The following CEACAM16 variants were observed in gnomAD, a reference collection of about 807,000 sequenced individuals.
CEACAM16 encodes cell adhesion molecule CEACAM16.
CEACAM16 carries 30 observed loss-of-function variants against 39.4 expected under a neutral mutation model. The ratio of observed to expected loss-of-function variants is 0.76; its 90% confidence interval spans 0.57 to 1.03. The LOEUF (loss-of-function observed/expected upper bound fraction) is 1.03. CEACAM16 is among the 50% of genes least tolerant of loss of function. The probability of loss-of-function intolerance (pLI) is 0.00; values close to 1 mark genes in which losing one functional copy is unlikely to be tolerated. For missense variants in CEACAM16, 521 were observed against 585.3 expected, an observed-to-expected ratio of 0.89 and a Z score of 1.13; for synonymous variants, 262 against 264.9, an observed-to-expected ratio of 0.99 and a Z score of 0.11.
At chr19:44,706,794 G>T (rs770781796) in intron 5 of CEACAM16, among the ~76,000 whole-genome samples, 11 of 152,216 alleles carry the variant, frequency 7.2e-5, no homozygotes, top group Non-Finnish European at 1.0e-4. Context: ...TATGTGCAGG[G>T]AGTGGATACA....
chr19:44,699,502 A>C (rs533857270), intron 1 of CEACAM16: 7 of 445,488 alleles, frequency 1.6e-5, no homozygotes, highest in Non-Finnish European at 3.2e-5. Context: ...TCAGCCTCCC[A>C]AGTAGCTGGG....
intron 1 of CEACAM16, chr19:44,699,586 A>T (rs893208069): frequency 2.7e-5 from 10 of 368,386 alleles, no homozygotes; most frequent in African/African-American, 2.1e-4. Context: ...CATGCTGGCC[A>T]GGCTGGTCTT....
In CEACAM16 at chr19:44,701,558, C is replaced by T. The variant is rs981601342; in HGVS notation, c.37+65C>T. The T allele has an allele frequency of 2.7e-6, 4 of 1,473,676 alleles. No individual in the cohort carries two copies. Among genetic ancestry groups the T allele is most frequent in the Non-Finnish European group, 3.7e-6 (4 of 1,080,764 alleles). The allele number at this position is 1,473,676 out of a possible 1,614,324, so 91.3% of individuals were successfully genotyped here. A position where few individuals can be genotyped will look rare whatever the true frequency, so the allele number is the denominator to read the frequency against. On this transcript the variant is annotated intron_variant, in intron 2 of 6. Transcript: ENST00000587331. This position sits in a 1 kb window ranked among gnomAD's most constrained non-coding sequence, Gnocchi z 4.0. ...AGGACCCCAGGGAGGGGAGGGGACCCCCAGTCTGAGAGAGGGAAGGTGTGA... is the reference window on the plus strand; with the variant it reads ...AGGACCCCAGGGAGGGGAGGGGACCTCCAGTCTGAGAGAGGGAAGGTGTGA...
intron 1 of CEACAM16, among the ~76,000 whole-genome samples, chr19:44,699,655 GCATGAGCCACTGCGTCCGGC>G (rs1407528514): frequency 4.6e-5 from 7 of 152,158 alleles, no homozygotes; most frequent in East Asian, 1.9e-4. Flanking sequence ...AGGACTACAG[GCATGAGCCACTGCGTCCGGC>G]CATGAGCCAC....
At chr19:44,709,684 C>G (rs111738130) in intron 6 of CEACAM16, among the ~76,000 whole-genome samples, 5 of 147,718 alleles carry the variant, frequency 3.4e-5, no homozygotes, top group Non-Finnish European at 7.5e-5. Context: ...GAGTCAGGGA[C>G]CATGTCTCCT....
chr19:44,701,011 G>C lies in CEACAM16; in HGVS notation c.-96-350G>C, dbSNP rs942552416. ...ACAACACCTGTAGGTCCCCTGCACT[G>C]GGTGGGGCTGGGAAAGGTGCAGTCA... is the stretch of plus-strand genomic sequence containing the variant. On this transcript the variant is annotated intron_variant, in intron 1 of 6. Transcript: ENST00000587331. This position sits in a 1 kb window ranked among gnomAD's most constrained non-coding sequence, Gnocchi z 4.0. 1.3e-5 allele frequency among the ~76,000 whole-genome samples: 2 copies of C among 152,234 alleles called. No homozygotes were observed. The highest frequency in any genetic ancestry group is 6.5e-5 in the Admixed American group (1 of 15,286).
At chr19:44,709,340 G>T (rs1333617560) in intron 6 of CEACAM16, among the ~76,000 whole-genome samples, 2 of 151,554 alleles carry the variant, frequency 1.3e-5, no homozygotes, top group African/African-American at 4.9e-5. Context: ...AGCTCCCAGA[G>T]TCAGGGACCA....
At chr19:44,706,210 C>T (rs1974445472) in intron 5 of CEACAM16, among the ~76,000 whole-genome samples, 2 of 150,262 alleles carry the variant, frequency 1.3e-5, no homozygotes, top group Admixed American at 6.7e-5. Context: ...ACCACACAGA[C>T]AGCTGAAATT....
Position 44,704,130 on chromosome 19 carries a change from C to A in CEACAM16, c.495C>A (p.Phe165Leu). Residue 165 changes from phenylalanine (F) to leucine (L), a missense_variant, in exon 4 of 7, where the codon TTC becomes TTA. Physicochemically the swap from Phe to Leu is conservative, Grantham distance 22. Transcript: ENST00000587331. ...GCCCCACCGCCGAGGTCCGCTGGTT[C>A]TTCAACGGTGGGGCCCTGCCCGTCG... ...SPSPTAEVRW[F>L]FNGGALPVAL... The A allele has an allele frequency of 6.3e-7, 1 of 1,597,674 alleles. No individual in the cohort carries two copies. The highest frequency in any genetic ancestry group is 2.3e-5 in the East Asian group (1 of 43,632).
chr19:44,710,703 C>T lies in CEACAM16; in HGVS notation c.*197C>T, dbSNP rs1486504835. ...GTTGGGGAGCCACCGAGGCCATAAA[C>T]GTCCTGGTTAATGCACACGTGTGTC... On this transcript the variant is annotated 3_prime_UTR_variant, in exon 7 of 7. Coordinates refer to ENST00000587331, the MANE Select transcript of CEACAM16 (RefSeq NM_001039213.4). 1.1e-5 allele frequency: 7 copies of T among 638,194 alleles called. No homozygotes were observed. Among genetic ancestry groups the T allele is most frequent in the Admixed American group, 2.7e-5 (1 of 37,196 alleles). 39.5% of individuals were successfully genotyped at this position (638,194 alleles called of 1,614,324 possible). A position where few individuals can be genotyped will look rare whatever the true frequency, so the allele number is the denominator to read the frequency against.
intron 5 of CEACAM16, among the ~76,000 whole-genome samples, chr19:44,706,949 C>G (rs1462933565): frequency 2.6e-5 from 4 of 152,018 alleles, no homozygotes; most frequent in Admixed American, 2.0e-4. Context: ...GAGAGATGAT[C>G]CTGGGACAGG....
intron 1 of CEACAM16, among the ~76,000 whole-genome samples, chr19:44,699,816 T>C (rs944202332): frequency 6.6e-6 from 1 of 152,136 alleles, no homozygotes; most frequent in Non-Finnish European, 1.5e-5. Flanking sequence ...GTAGGGTCCA[T>C]ATCATCTCTA....
Position 44,708,118 on chromosome 19 carries a change from C to A in CEACAM16, c.1198C>A (p.Arg400Ser), listed in dbSNP as rs547232161. The change falls in exon 6 of 7, where the codon CGC becomes AGC. Residue 400 changes from arginine (R) to serine (S), a missense_variant. Physicochemically the swap from Arg to Ser is moderately radical, Grantham distance 110 (BLOSUM62 -1). Transcript: ENST00000587331. The part of the protein sequence containing the change: ...VQKLNLTDTG[R>S]YTLKTVTVQG... ...GAAGCTGAACCTCACAGACACTGGC[C>A]GCTACACACTCAAGACTGTCACAGT... 1 of 1,609,536 alleles carries A rather than the reference C, an allele frequency of 6.2e-7. No homozygotes were observed. Among genetic ancestry groups the A allele is most frequent in the Non-Finnish European group, 8.5e-7 (1 of 1,178,070 alleles).
At chr19:44,710,373 G>A in intron 6 of CEACAM16, 123 bp from the exon 7 acceptor site, 1 of 1,007,770 alleles carries the variant, frequency 9.9e-7, no homozygotes, top group Non-Finnish European at 1.5e-6. Flanking sequence ...CTGAGCGTGG[G>A]GTGGATTGGG....
rs1974379792 is a variant in CEACAM16, at chr19:44,703,329, C to A, written c.38-20C>A. Reference sequence around the variant, plus strand: ...TGATCAAACCTGCCTCATCCAACCCCTCTGACTCCTCTTCCTCAGCCACAT... The same window carrying A: ...TGATCAAACCTGCCTCATCCAACCCATCTGACTCCTCTTCCTCAGCCACAT... On this transcript the variant is annotated intron_variant, in intron 2 of 6. Coordinates refer to ENST00000587331, the MANE Select transcript of CEACAM16 (RefSeq NM_001039213.4). The A allele has an allele frequency of 8.8e-6, 14 of 1,599,464 alleles. No individual in the cohort carries two copies. Among genetic ancestry groups the A allele is most frequent in the Non-Finnish European group, 1.0e-5 (12 of 1,170,452 alleles).
chr19:44,703,950 G>T, intron 3 of CEACAM16, 68 bp from the exon 4 acceptor site: 1 of 1,476,856 alleles, frequency 6.8e-7, no homozygotes, highest in Middle Eastern at 2.5e-4. Context: ...GCCCCTTGTT[G>T]GGGGAAGGGA....
intron 2 of CEACAM16, among the ~76,000 whole-genome samples, chr19:44,702,565 A>C (rs769641654): frequency 6.6e-6 from 1 of 152,238 alleles, no homozygotes; most frequent in African/African-American, 2.4e-5. Flanking sequence ...CACGTCATTC[A>C]AACCCAAGCA....
At chr19:44,710,434 G>A (rs1040319650) in intron 6 of CEACAM16, 62 bp from the exon 7 acceptor site, 3 of 1,581,570 alleles carry the variant, frequency 1.9e-6, no homozygotes, top group African/African-American at 1.3e-5. Context: ...GGGGGCACTG[G>A]GGACCTGGTC....
Position 44,708,083 on chromosome 19 carries a change from T to C in CEACAM16, c.1163T>C (p.Leu388Pro), listed in dbSNP as rs1311766113. Residue 388 changes from leucine to proline, a missense_variant, in exon 6 of 7, where the codon CTG becomes CCG. Coordinates refer to ENST00000587331, the MANE Select transcript of CEACAM16 (RefSeq NM_001039213.4). The stretch of plus-strand genomic sequence containing the variant: ...GAGGTGGGCTTCCCCAACTGCTCGC[T>C]GTTGGTGCAGAAGCTGAACCTCACA... ...GREVGFPNCS[L>P]LVQKLNLTDT... 4.3e-6 allele frequency: 7 copies of C among 1,612,224 alleles called. No individual in the cohort carries two copies. The highest frequency in any genetic ancestry group is 5.1e-6 in the Non-Finnish European group (6 of 1,179,400).
Sources: gnomAD v4.1 joint callset for allele counts (sites outside exome capture counted in the v4.1 genomes callset) on GRCh38, gnomAD v4.1.1 for gene constraint, Gnocchi (gnomAD v3.1) non-coding constraint, MANE v1.5 for transcripts, NCBI Gene and HGNC (gene_info 2026-07-23, HGNC 2026-07-21) for gene names.